DUSP16: variants seen among roughly 807,000 people sequenced by gnomAD.
The protein encoded by DUSP16 is dual specificity protein phosphatase 16.
A neutral mutation model predicts 58.3 loss-of-function variants in DUSP16; 21 were observed. The ratio of observed to expected loss-of-function variants is 0.36; its 90% CI spans 0.26 to 0.52. DUSP16 has a LOEUF of 0.52. Among genes scored for constraint, DUSP16 ranks in the 20% least tolerant of loss-of-function variants. The probability of loss-of-function intolerance (pLI) is 0.94; values close to 1 mark genes in which losing one functional copy is unlikely to be tolerated. For missense variants in DUSP16, 726 were observed against 819.0 expected (o/e 0.89, Z 1.39); for synonymous variants, 320 against 323.8 (o/e 0.99, Z 0.12).
rs75869621 is a variant in DUSP16, at chr12:12,483,744, G to A, written c.691+3284C>T. Among the ~76,000 whole-genome samples, 1,459 of 152,058 alleles carry A rather than the reference G, an allele frequency of 9.6e-3. 29 individuals carry two copies. The highest frequency in any genetic ancestry group is 0.033 in the African/African-American group (1,370 of 41,454). ...CTCATGAGTATCCCATAGCACAAAC[G>A]GGCAAACTCTGTTACTGGCACATTA... On this transcript the variant is annotated intron_variant, in intron 5 of 6. Transcript: ENST00000298573.
chr12:12,558,113 A>C (rs1002917744), intron 1 of DUSP16, among the ~76,000 whole-genome samples: 4 of 152,278 alleles, frequency 2.6e-5, no homozygotes, highest in African/African-American at 9.6e-5. Flanking sequence ...TCTCCATAAC[A>C]TGGGCCAGTG....
intron 3 of DUSP16, among the ~76,000 whole-genome samples, chr12:12,515,517 G>A (rs957283057): frequency 3.3e-5 from 5 of 151,756 alleles, no homozygotes; most frequent in African/African-American, 9.7e-5. Flanking sequence ...TAGTAGAGAC[G>A]GGGTTTCTCC....
intron 3 of DUSP16, among the ~76,000 whole-genome samples, chr12:12,508,399 A>G (rs1423309203): frequency 6.6e-6 from 1 of 152,240 alleles, no homozygotes; most frequent in Non-Finnish European, 1.5e-5. Context: ...TAATGTTTCA[A>G]TGTAGATACT....
intron 4 of DUSP16, among the ~76,000 whole-genome samples, chr12:12,488,765 A>C (rs966347437): frequency 6.6e-6 from 1 of 152,202 alleles, no homozygotes; most frequent in African/African-American, 2.4e-5. Flanking sequence ...GGCACAATAA[A>C]TATACTTTAT....
Position 12,480,208 on chromosome 12 carries a change from T to C in DUSP16, c.815+15A>G, listed in dbSNP as rs376440488. 5 of 1,611,092 alleles carry C rather than the reference T, an allele frequency of 3.1e-6. No homozygotes were observed. The African/African-American group carries it at 4.0e-5, about 13-fold the overall frequency. Reference sequence around the variant, plus strand: ...AATGAAAAGCCAATCACAGAAGACATTTTCCTGCCCTCACCTGTAAGCTTC... The same window carrying C: ...AATGAAAAGCCAATCACAGAAGACACTTTCCTGCCCTCACCTGTAAGCTTC... On this transcript the variant is annotated intron_variant, in intron 6 of 6. Transcript: ENST00000298573.
chr12:12,558,826 T>C (rs890405163), intron 1 of DUSP16, among the ~76,000 whole-genome samples: 2 of 152,238 alleles, frequency 1.3e-5, no homozygotes, highest in East Asian at 3.8e-4. Flanking sequence ...TTATTCCTCT[T>C]TCCTTTCATG....
At chr12:12,527,808 T>TCCGCA (rs1944326937) in intron 1 of DUSP16, among the ~76,000 whole-genome samples, 1 of 152,154 alleles carries the variant, frequency 6.6e-6, no homozygotes, top group Admixed American at 6.5e-5. Context: ...ACAGCAGTTA[T>TCCGCA]CCGCACCGTA....
At chr12:12,494,440 T>C (rs1217279073) in intron 4 of DUSP16, among the ~76,000 whole-genome samples, 1 of 152,146 alleles carries the variant, frequency 6.6e-6, no homozygotes, top group East Asian at 1.9e-4. Context: ...GGATGAATAG[T>C]CTACTAGCAA....
chr12:12,536,038 A>G (rs1307995362), intron 1 of DUSP16, among the ~76,000 whole-genome samples: 1 of 152,208 alleles, frequency 6.6e-6, no homozygotes, highest in African/African-American at 2.4e-5. Flanking sequence ...AGAGAATTTC[A>G]CTCTGGTAAC....
At chr12:12,522,926 A>G (rs1415260861) in intron 1 of DUSP16, among the ~76,000 whole-genome samples, 1 of 152,204 alleles carries the variant, frequency 6.6e-6, no homozygotes, top group Non-Finnish European at 1.5e-5. Flanking sequence ...TACTTTGGAC[A>G]TAACATACTC....
chr12:12,519,871 G>C lies in DUSP16; in HGVS notation c.358C>G (p.Leu120Val). The stretch of plus-strand genomic sequence containing the variant: ...CCATCACGAGCCTTACCTGCAAGCA[G>C]GTGAACAGAGTTGAAGCTCTTCTCC... ...KLEKSFNSVHLLAGGFAEFSR... is the reference protein window; with the variant it reads ...KLEKSFNSVHVLAGGFAEFSR... Residue 120 changes from leucine to valine, a missense_variant, in exon 3 of 7, where the codon CTG becomes GTG. By Grantham distance (32) the Leu-to-Val change is conservative. Transcript: ENST00000298573. 1 of 1,614,056 alleles carries C rather than the reference G, an allele frequency of 6.2e-7. No homozygotes were observed. The highest frequency in any genetic ancestry group is 1.1e-5 in the South Asian group (1 of 91,074).
intron 1 of DUSP16, among the ~76,000 whole-genome samples, chr12:12,554,196 C>CAAAAA (rs59499569): frequency 1.5e-4 from 10 of 66,134 alleles, no homozygotes; most frequent in East Asian, 3.9e-4. Context: ...AACTGGGTCT[C>CAAAAA]AAAAAAAAAA....
rs59499569 is a variant in DUSP16, at chr12:12,554,196, CAAAAAAAAAAAA to C, written c.-366+7909_-366+7920del. On this transcript the variant is annotated intron_variant, in intron 1 of 6. Coordinates refer to ENST00000298573, the MANE Select transcript of DUSP16 (RefSeq NM_030640.3). Reference sequence around the variant, plus strand: ...TGGGTGACAGAGTGAAACTGGGTCTCAAAAAAAAAAAAAAAAAAAAAAAGCCAAGTGCAGACT... The same window carrying C: ...TGGGTGACAGAGTGAAACTGGGTCTCAAAAAAAAAAAGCCAAGTGCAGACT... 2.4e-3 allele frequency among the ~76,000 whole-genome samples: 157 copies of C among 66,154 alleles called. 6 individuals are homozygous for C. The highest frequency in any genetic ancestry group is 0.012 in the Middle Eastern group (1 of 84). The allele number at this position is 66,154 out of a possible 152,430, so 43.4% of individuals were successfully genotyped here. A position where few individuals can be genotyped will look rare whatever the true frequency, so the allele number is the denominator to read the frequency against.
At chr12:12,500,490 G>T in intron 4 of DUSP16, 29 bp downstream of exon 4, 1 of 1,582,896 alleles carries the variant, frequency 6.3e-7, no homozygotes, top group South Asian at 1.2e-5. Context: ...TATAAACCCA[G>T]CAATGAAGGA....
At chr12:12,507,008 T>G (rs922418389) in intron 3 of DUSP16, among the ~76,000 whole-genome samples, 7 of 152,084 alleles carry the variant, frequency 4.6e-5, no homozygotes, top group African/African-American at 1.7e-4. Context: ...TAAATATGAT[T>G]TTCTGTAAAA....
chr12:12,550,779 AT>A (rs1944713010), intron 1 of DUSP16, among the ~76,000 whole-genome samples: 1 of 152,012 alleles, frequency 6.6e-6, no homozygotes, highest in South Asian at 2.1e-4. Context: ...ATTAGGAGAA[AT>A]ACCTAATGTA....
chr12:12,477,509 T>A lies in DUSP16; in HGVS notation c.1322A>T (p.Lys441Met). The change falls in exon 7 of 7, where the codon AAG (lysine) becomes ATG (methionine). Residue 441 changes from lysine to methionine, a missense_variant. Coordinates refer to ENST00000298573, the MANE Select transcript of DUSP16 (RefSeq NM_030640.3). The surrounding 1 kb of genome is among the most constrained non-coding windows in gnomAD (Gnocchi z 4.1). ...KPSTTLDGTNKLCQFSPVQEL... is the reference protein window; with the variant it reads ...KPSTTLDGTNMLCQFSPVQEL... ...CTGAACAGGGGAGAACTGGCATAGC[T>A]TGTTGGTCCCATCCAGAGTAGTGGA... The A allele has an allele frequency of 6.3e-7, 1 of 1,599,342 alleles. No homozygotes were observed. The highest frequency in any genetic ancestry group is 1.1e-5 in the South Asian group (1 of 88,864).
At chr12:12,517,904 G>A (rs542944403) in intron 3 of DUSP16, among the ~76,000 whole-genome samples, 1 of 152,298 alleles carries the variant, frequency 6.6e-6, no homozygotes, top group East Asian at 1.9e-4. Context: ...GTCACACCAC[G>A]TGTCCCTAGA....
chr12:12,530,639 A>G (rs973349951), intron 1 of DUSP16, among the ~76,000 whole-genome samples: 5 of 152,202 alleles, frequency 3.3e-5, no homozygotes, highest in African/African-American at 4.8e-5. Context: ...TAAAACTACA[A>G]AGAGAGAAAC....
Sources: gnomAD v4.1 joint callset for allele counts (sites outside exome capture counted in the v4.1 genomes callset) on GRCh38, gnomAD v4.1.1 for gene constraint, Gnocchi (gnomAD v3.1) non-coding constraint, MANE v1.5 for transcripts, NCBI Gene and HGNC (gene_info 2026-07-23, HGNC 2026-07-21) for gene names.